Variants in CCDC171 observed in about 807,000 individuals in gnomAD.
CCDC171 encodes the protein coiled-coil domain containing 171, also known as coiled-coil domain-containing protein 171.
CCDC171 carries 177 observed loss-of-function variants against 168.2 expected under a neutral mutation model. The ratio of observed to expected loss-of-function variants is 1.05; its 90% CI spans 0.93 to 1.19. The LOEUF is 1.19. Among genes scored for constraint, CCDC171 ranks in the 50% most tolerant of loss-of-function variants. CCDC171 has a pLI of 0.00. For missense variants in CCDC171, 1,991 were observed against 1,539.0 expected (o/e 1.29, Z -4.91); for synonymous variants, 687 against 540.8 (o/e 1.27, Z -3.75).
At chr9:15,645,972 T>C (rs1307777939) in intron 7 of CCDC171, among the ~76,000 whole-genome samples, 5 of 151,962 alleles carry the variant, frequency 3.3e-5, no homozygotes, top group Non-Finnish European at 7.4e-5. Context: ...GAAATGAAGA[T>C]AAAAATGTTA....
At chr9:16,089,977 G>A in the CCDC171 span, among the ~76,000 whole-genome samples, 7 of 152,274 alleles carry the variant, frequency 4.6e-5, no homozygotes, top group East Asian at 3.9e-4. Context: ...TGATGGGTGT[G>A]TAAATTAGTT....
intron 25 of CCDC171, among the ~76,000 whole-genome samples, chr9:15,954,811 C>A (rs1461411445): frequency 2.0e-5 from 3 of 151,764 alleles, no homozygotes; most frequent in South Asian, 4.2e-4. Flanking sequence ...ATTGATATTT[C>A]CATTTTGTTC....
intron 3 of CCDC171, among the ~76,000 whole-genome samples, chr9:15,983,810 TAA>T (rs1831884791): frequency 8.4e-5 from 6 of 71,464 alleles, no homozygotes; most frequent in East Asian, 7.5e-4. Flanking sequence ...AAGAGCTAAA[TAA>T]AGAGAGTGTG....
At chr9:15,985,734 T>A (rs1001458747) in intron 3 of CCDC171, among the ~76,000 whole-genome samples, 34 of 152,234 alleles carry the variant, frequency 2.2e-4, no homozygotes, top group African/African-American at 8.0e-4. Flanking sequence ...ATTTATTTAT[T>A]ATTTATTTCT....
intron 25 of CCDC171, among the ~76,000 whole-genome samples, chr9:15,963,041 A>C (rs923690886): frequency 1.3e-5 from 2 of 152,134 alleles, no homozygotes; most frequent in Non-Finnish European, 2.9e-5. Context: ...ACTTCACTTA[A>C]GTAGCCCTCT....
At chr9:15,824,226 C>T (rs1450401189) in intron 21 of CCDC171, among the ~76,000 whole-genome samples, 1 of 151,956 alleles carries the variant, frequency 6.6e-6, no homozygotes, top group Non-Finnish European at 1.5e-5. Flanking sequence ...TATACATACA[C>T]TCTACAGTTT....
intron 23 of CCDC171, among the ~76,000 whole-genome samples, chr9:15,870,056 G>T (rs1274686127): frequency 6.6e-6 from 1 of 151,790 alleles, no homozygotes; most frequent in Non-Finnish European, 1.5e-5. Flanking sequence ...CTCTGTCATT[G>T]TAACAGGAAA....
intron 6 of CCDC171, among the ~76,000 whole-genome samples, chr9:15,617,585 C>T: frequency 6.6e-6 from 1 of 152,034 alleles, no homozygotes; most frequent in African/African-American, 2.4e-5. Context: ...ACCATGTTAG[C>T]CAGGATAGTC....
chr9:15,729,572 T>C, intron 15 of CCDC171, 38 bp from the exon 16 acceptor site: 1 of 1,374,018 alleles, frequency 7.3e-7, no homozygotes, highest in Non-Finnish European at 1.0e-6. Context: ...AAATAGCTTG[T>C]GAGCATATTT....
chr9:15,730,598 A>G (rs2054091825), intron 16 of CCDC171, among the ~76,000 whole-genome samples: 2 of 151,800 alleles, frequency 1.3e-5, no homozygotes, highest in Non-Finnish European at 2.9e-5. Context: ...TCATGCTTAT[A>G]TTGGCAAGTC....
chr9:15,575,918 C>G (rs770175225), intron 3 of CCDC171, among the ~76,000 whole-genome samples: 2 of 151,976 alleles, frequency 1.3e-5, no homozygotes, highest in African/African-American at 2.4e-5. Flanking sequence ...ATGGCGAAAC[C>G]CTGTCTCTAC....
chr9:16,068,599 G>A, the CCDC171 span, among the ~76,000 whole-genome samples: 40 of 152,192 alleles, frequency 2.6e-4, no homozygotes, highest in Non-Finnish European at 5.1e-4. Flanking sequence ...TTGTTTCGTC[G>A]TCTGTTAATT....
chr9:15,983,202 T>G (rs1564100336), intron 3 of CCDC171, among the ~76,000 whole-genome samples: 1 of 152,102 alleles, frequency 6.6e-6, no homozygotes, highest in Non-Finnish European at 1.5e-5. Flanking sequence ...ACTGAACATT[T>G]TTTAAGGTTA....
intron 3 of CCDC171, among the ~76,000 whole-genome samples, chr9:16,010,927 T>C (rs1832852517): frequency 6.6e-6 from 1 of 152,092 alleles, no homozygotes; most frequent in East Asian, 1.9e-4. Flanking sequence ...GACTGTCATG[T>C]GGTAGAGCCT....
intron 23 of CCDC171, among the ~76,000 whole-genome samples, chr9:15,866,214 A>G (rs2061778955): frequency 6.6e-6 from 1 of 151,948 alleles, no homozygotes; most frequent in Non-Finnish European, 1.5e-5. Flanking sequence ...GGTTTAAGCT[A>G]GGGGTTGATG....
chr9:15,612,206 T>C (rs1418337664), intron 6 of CCDC171, among the ~76,000 whole-genome samples: 1 of 152,226 alleles, frequency 6.6e-6, no homozygotes, highest in Admixed American at 6.5e-5. Flanking sequence ...ACTAAGACAT[T>C]GTGCCTCCAA....
rs184331388 is a variant in CCDC171 at position 15,782,974 on chromosome 9, C to G, written c.3082-1535C>G. ...GATCATTCTCATTAATTTATATTAACTTAGGTAAATCATTAGACATCTGTT... is the reference window on the plus strand; with the variant it reads ...GATCATTCTCATTAATTTATATTAAGTTAGGTAAATCATTAGACATCTGTT... On this transcript the variant is annotated intron_variant, in intron 20 of 25. Transcript: ENST00000380701. Among the ~76,000 whole-genome samples the G allele has an allele frequency of 9.9e-5, 15 of 152,254 alleles. No individual in the cohort carries two copies. In the East Asian group the frequency reaches 1.9e-3, roughly 20 times the overall value.
intron 18 of CCDC171, among the ~76,000 whole-genome samples, chr9:15,755,973 G>T (rs2056085406): frequency 1.3e-5 from 2 of 152,170 alleles, no homozygotes; most frequent in African/African-American, 4.8e-5. Context: ...TCTCTAGAAA[G>T]CTGTTACAGA....
intron 21 of CCDC171, among the ~76,000 whole-genome samples, chr9:15,791,151 G>C (rs1382143420): frequency 6.6e-6 from 1 of 152,170 alleles, no homozygotes; most frequent in Non-Finnish European, 1.5e-5. Context: ...TTGGTAGCTT[G>C]ATGGGGATGG....
Sources: allele counts gnomAD v4.1 joint callset (sites outside exome capture counted in the v4.1 genomes callset), GRCh38; gene constraint gnomAD v4.1.1; transcripts MANE v1.5; gene names NCBI Gene and HGNC (gene_info 2026-07-23, HGNC 2026-07-21).